CECR2: variants seen among roughly 807,000 people sequenced by gnomAD.
CECR2 encodes chromatin remodeling regulator CECR2.
A neutral mutation model predicts 154.5 loss-of-function variants in CECR2; 30 were observed. That is an observed-to-expected ratio of 0.19 (90% CI 0.15 to 0.26). The LOEUF is 0.26. CECR2 is among the 10% of genes least tolerant of loss of function. CECR2 has a pLI of 1.00. For synonymous variants in CECR2, 725 were observed against 683.7 expected (o/e 1.06, Z -0.94); for missense variants, 1,743 against 1,829.3 (o/e 0.95, Z 0.86).
intron 1 of CECR2, among the ~76,000 whole-genome samples, chr22:17,361,435 A>G (rs1336688299): frequency 6.6e-6 from 1 of 151,590 alleles, no homozygotes; most frequent in Non-Finnish European, 1.5e-5. Context: ...GCAGTGCACC[A>G]TTGCACTCCA....
At chr22:17,426,598 C>T (rs944514760) in intron 1 of CECR2, among the ~76,000 whole-genome samples, 2 of 152,212 alleles carry the variant, frequency 1.3e-5, no homozygotes, top group Non-Finnish European at 2.9e-5. Context: ...CTCAGGTGAT[C>T]CGCCCGCCTC....
chr22:17,397,084 C>G (rs1286490810), intron 1 of CECR2, among the ~76,000 whole-genome samples: 1 of 151,906 alleles, frequency 6.6e-6, no homozygotes, highest in Non-Finnish European at 1.5e-5. Flanking sequence ...ATGGGACATT[C>G]TCCACAGTGA....
At chr22:17,401,999 T>A (rs971294885) in intron 1 of CECR2, among the ~76,000 whole-genome samples, 2 of 152,136 alleles carry the variant, frequency 1.3e-5, no homozygotes, top group Non-Finnish European at 2.9e-5. Flanking sequence ...ACTTTTTTTA[T>A]TGGAGACAGA....
intron 8 of CECR2, among the ~76,000 whole-genome samples, chr22:17,523,015 A>AGGGGGG (rs2056185705): frequency 2.7e-4 from 38 of 140,412 alleles, no homozygotes; most frequent in Non-Finnish European, 5.1e-4. Flanking sequence ...GGGGGGAAAA[A>AGGGGGG]AAAAAGCCTG....
intron 1 of CECR2, among the ~76,000 whole-genome samples, chr22:17,388,129 A>G (rs910852448): frequency 9.9e-5 from 15 of 151,836 alleles, no homozygotes; most frequent in Non-Finnish European, 2.2e-4. Context: ...TGATGTTTAT[A>G]TTTTTAGTAG....
At chr22:17,388,919 TCTC>T (rs1166735673) in intron 1 of CECR2, among the ~76,000 whole-genome samples, 1 of 152,042 alleles carries the variant, frequency 6.6e-6, no homozygotes. Context: ...TTCAAGCAGT[TCTC>T]CTGCTTCAGC....
chr22:17,452,157 C>T (rs529122522), intron 1 of CECR2, among the ~76,000 whole-genome samples: 1 of 152,372 alleles, frequency 6.6e-6, no homozygotes, highest in Admixed American at 6.5e-5. Flanking sequence ...ACTGCAACCT[C>T]CACCTCCTGG....
intron 1 of CECR2, among the ~76,000 whole-genome samples, chr22:17,380,641 CTCCCCACCCA>C (rs1165317669): frequency 6.6e-6 from 1 of 152,188 alleles, no homozygotes; most frequent in Non-Finnish European, 1.5e-5. Context: ...TCCCTTGCTC[CTCCCCACCCA>C]TCACCTCCAA....
upstream of CECR2, among the ~76,000 whole-genome samples, chr22:17,365,476 C>T (rs1449163069): frequency 2.6e-5 from 4 of 152,156 alleles, no homozygotes; most frequent in Middle Eastern, 3.4e-3. Context: ...GGGCGGATCA[C>T]GAGGTCAGGA....
At chr22:17,402,796 T>C (rs2053917080) in intron 1 of CECR2, among the ~76,000 whole-genome samples, 1 of 145,504 alleles carries the variant, frequency 6.9e-6, no homozygotes, top group Non-Finnish European at 1.5e-5. Context: ...TCACTCTTGT[T>C]GCCCAGGCTG....
intron 10 of CECR2, among the ~76,000 whole-genome samples, chr22:17,538,156 T>G (rs961146109): frequency 6.6e-6 from 1 of 152,164 alleles, no homozygotes; most frequent in Non-Finnish European, 1.5e-5. Context: ...AAATGGAGGC[T>G]GCAGTGAGCT....
In CECR2 at chr22:17,462,717, C is replaced by G. The variant is rs146730952; in HGVS notation, c.127-14871C>G. Among the ~76,000 whole-genome samples, 426 of 152,196 alleles carry G rather than the reference C, an allele frequency of 2.8e-3. 6 individuals are homozygous for G. In the East Asian group the frequency reaches 0.043, roughly 15 times the overall value. ...GATCACGAGGTCAGGAGTTCAAGAC[C>G]AGCCTGGCCAAGATGGTGAAACCCC... On this transcript the variant is annotated intron_variant, in intron 1 of 18. Transcript: ENST00000262608.
At chr22:17,476,782 T>C (rs17741059) in intron 1 of CECR2, among the ~76,000 whole-genome samples, 26,504 of 152,164 alleles carry the variant, frequency 0.17, 3,015 homozygotes, top group Non-Finnish European at 0.25. Context: ...ACTTTTCTAG[T>C]AGGAGACTTG....
At chr22:17,544,354 C>T (rs1006720726) in intron 16 of CECR2, among the ~76,000 whole-genome samples, 91 of 151,664 alleles carry the variant, frequency 6.0e-4, no homozygotes, top group African/African-American at 2.1e-3. Flanking sequence ...AAAAATTAGC[C>T]GAGCGTGGTG....
At chr22:17,366,648 AGG>A (rs2063003611), upstream of CECR2, among the ~76,000 whole-genome samples, 1 of 152,150 alleles carries the variant, frequency 6.6e-6, no homozygotes. Context: ...CTAGGAGGTT[AGG>A]CTGGAAGTTA....
chr22:17,539,830 T>G (rs1163744796), intron 13 of CECR2, among the ~76,000 whole-genome samples: 1 of 152,192 alleles, frequency 6.6e-6, no homozygotes, highest in Non-Finnish European at 1.5e-5. Context: ...ACTGGCATTT[T>G]TTTTCTTTAT....
intron 1 of CECR2, chr22:17,428,377 A>G (rs964568199): frequency 6.7e-6 from 1 of 150,274 alleles, no homozygotes; most frequent in South Asian, 2.1e-4. Context: ...GGGCTTGTAC[A>G]GTGGCGATTT....
intron 8 of CECR2, chr22:17,518,583 A>T (rs564990662): frequency 3.6e-5 from 12 of 329,558 alleles, no homozygotes; most frequent in Non-Finnish European, 6.0e-6. Flanking sequence ...CTTCCATTGC[A>T]GCTGTCACGT....
chr22:17,441,501 G>C (rs2054584436), intron 1 of CECR2, among the ~76,000 whole-genome samples: 1 of 152,254 alleles, frequency 6.6e-6, no homozygotes, highest in Admixed American at 6.5e-5. Flanking sequence ...ATAGAATAGT[G>C]CGTCATTTAT....
Sources: gnomAD v4.1 joint callset for allele counts (sites outside exome capture counted in the v4.1 genomes callset) on GRCh38, gnomAD v4.1.1 for gene constraint, MANE v1.5 for transcripts, NCBI Gene and HGNC (gene_info 2026-07-23, HGNC 2026-07-21) for gene names.